THSD7B: variants seen among roughly 807,000 people sequenced by gnomAD.
THSD7B encodes the protein thrombospondin type-1 domain-containing protein 7B.
Under a neutral mutation model 213.6 loss-of-function variants are expected in THSD7B, and 138 were observed. That is an observed-to-expected ratio of 0.65 (90% confidence interval 0.56 to 0.74). The LOEUF is 0.74. Ranked by LOEUF, THSD7B falls within the 30% of genes least tolerant of loss-of-function variation. The pLI, the probability that THSD7B is intolerant of heterozygous loss-of-function variation, is 0.00. For missense variants in THSD7B, 1,931 were observed against 1,991.5 expected (o/e 0.97, Z 0.58); for synonymous variants, 742 against 687.0 (o/e 1.08, Z -1.25).
chr2:137,070,048 T>A (rs1023541243), intron 3 of THSD7B, among the ~76,000 whole-genome samples: 2 of 151,842 alleles, frequency 1.3e-5, no homozygotes, highest in African/African-American at 4.8e-5. Flanking sequence ...AACATTAACA[T>A]GTTTCTAAAA....
chr2:136,923,640 A>G (rs497986), intron 2 of THSD7B, among the ~76,000 whole-genome samples: 74,431 of 151,914 alleles, frequency 0.49, 19,243 homozygotes, highest in Non-Finnish European at 0.58. Context: ...TTGTTTTTTA[A>G]AAGTTATTCT....
Position 137,094,962 on chromosome 2 carries a change from C to G in THSD7B, c.1040C>G (p.Pro347Arg). The G allele has an allele frequency of 6.2e-7, 1 of 1,613,836 alleles. No individual in the cohort carries two copies. Among genetic ancestry groups the G allele is most frequent in the Non-Finnish European group, 8.5e-7 (1 of 1,179,852 alleles). The change falls in exon 4 of 28, where the codon CCC becomes CGC. Residue 347 changes from proline to arginine, a missense_variant. Transcript: ENST00000409968. ...CETSQWSSWS[P>R]CSKTCRSGSL... Reference sequence around the variant, plus strand: ...ACCTCCCAGTGGTCCTCCTGGAGCCCCTGCTCCAAGACATGCCGTTCAGGG... The same window carrying G: ...ACCTCCCAGTGGTCCTCCTGGAGCCGCTGCTCCAAGACATGCCGTTCAGGG...
intron 1 of THSD7B, among the ~76,000 whole-genome samples, chr2:136,854,029 G>C (rs1217740789): frequency 9.9e-5 from 15 of 152,006 alleles, no homozygotes; most frequent in Admixed American, 9.8e-4. Flanking sequence ...GATGCTCTAG[G>C]CTCATCTTAT....
intron 20 of THSD7B, among the ~76,000 whole-genome samples, chr2:137,630,195 T>C (rs1682715008): frequency 6.6e-6 from 1 of 152,116 alleles, no homozygotes; most frequent in Admixed American, 6.6e-5. Context: ...GGTTATGCCA[T>C]GTTACCCAGG....
intron 27 of THSD7B, among the ~76,000 whole-genome samples, chr2:137,675,449 C>T (rs1295196175): frequency 5.4e-5 from 6 of 111,908 alleles, no homozygotes; most frequent in African/African-American, 1.2e-4. Flanking sequence ...TATATATATG[C>T]GGACAGTGTG....
intron 2 of THSD7B, among the ~76,000 whole-genome samples, chr2:136,901,958 A>C (rs1458842121): frequency 6.6e-6 from 1 of 152,246 alleles, no homozygotes; most frequent in Non-Finnish European, 1.5e-5. Flanking sequence ...CCTAAGGCCC[A>C]AAATCAGATT....
At chr2:136,819,592 A>G (rs910081390) in intron 1 of THSD7B, among the ~76,000 whole-genome samples, 3 of 152,178 alleles carry the variant, frequency 2.0e-5, no homozygotes, top group Admixed American at 2.0e-4. Context: ...AATGAGTACC[A>G]TGAAACATGG....
rs1450542231 is a variant in THSD7B, at chr2:136,781,684, T to C, written c.-36+15997T>C. ...TGGCATAGGCTCTCCATGCAGCCCA[T>C]GTCTACCACTTCAGCTCTCTGGCCT... On this transcript the variant is annotated intron_variant, in intron 1 of 27. Transcript: ENST00000409968. 3.9e-5 allele frequency among the ~76,000 whole-genome samples: 6 copies of C among 152,112 alleles called. 1 individual carries two copies. In the East Asian group the frequency reaches 1.2e-3, roughly 29 times the overall value.
rs143807631 is a variant in THSD7B, at chr2:137,118,926, G to A, written c.1369+3633G>A. Among the ~76,000 whole-genome samples, 1,012 of 152,246 alleles carry A rather than the reference G, an allele frequency of 6.6e-3. 7 individuals are homozygous for A. Among genetic ancestry groups the A allele is most frequent in the Middle Eastern group, 0.034 (10 of 292 alleles). ...AAGAAAGAATGAGAGCCAAGCAAAA[G>A]GAGTGTCCCCTTATAAAACCATCAG... is the stretch of plus-strand genomic sequence containing the variant. On this transcript the variant is annotated intron_variant, in intron 5 of 27. Coordinates refer to ENST00000409968, the MANE Select transcript of THSD7B (RefSeq NM_001316349.2).
intron 2 of THSD7B, among the ~76,000 whole-genome samples, chr2:136,931,742 A>G (rs1364440546): frequency 6.6e-6 from 1 of 152,204 alleles, no homozygotes; most frequent in Non-Finnish European, 1.5e-5. Context: ...TACATTCTAC[A>G]TTAACAATGA....
At chr2:136,936,484 T>C (rs57085791) in intron 2 of THSD7B, among the ~76,000 whole-genome samples, 11,283 of 152,244 alleles carry the variant, frequency 0.074, 676 homozygotes, top group African/African-American at 0.16. Context: ...GGAATACTAC[T>C]CAGCCATAAA....
chr2:137,252,190 C>T lies in THSD7B; in HGVS notation c.2266+9618C>T, dbSNP rs373881967. The stretch of plus-strand genomic sequence containing the variant: ...GCTGAGTCAGGAGAATCGCTTGAAC[C>T]CGGGAGGCAGAGGTTGCAGTGAGCT... On this transcript the variant is annotated intron_variant, in intron 10 of 27. Transcript: ENST00000409968. Among the ~76,000 whole-genome samples the T allele has an allele frequency of 6.2e-5, 9 of 145,132 alleles. No individual in the cohort carries two copies. The East Asian group carries it at 1.5e-3, about 24-fold the overall frequency.
chr2:136,991,015 C>A, intron 2 of THSD7B: 1 of 1,151,390 alleles, frequency 8.7e-7, no homozygotes, highest in Non-Finnish European at 1.2e-6. Flanking sequence ...AATACCTGTC[C>A]TCCCCAAAAA....
At chr2:137,675,900 G>T (rs1297012815) in intron 27 of THSD7B, among the ~76,000 whole-genome samples, 4 of 152,102 alleles carry the variant, frequency 2.6e-5, no homozygotes, top group African/African-American at 9.7e-5. Flanking sequence ...AGGGTGTTTT[G>T]CCCCATATCT....
rs144315824 is a variant in THSD7B at position 136,784,361 on chromosome 2, A to G, written c.-36+18674A>G. ...TTTTATTTGGTTCATTCCTTCTATC[A>G]TTTAGAACAACAATGCTCTCTGATA... On this transcript the variant is annotated intron_variant, in intron 1 of 27. Transcript: ENST00000409968. Among the ~76,000 whole-genome samples, 219 of 152,238 alleles carry G rather than the reference A, an allele frequency of 1.4e-3. 1 individual carries two copies. The highest frequency in any genetic ancestry group is 5.0e-3 in the African/African-American group (209 of 41,554).
At chr2:137,649,623 GT>G (rs774820572) in intron 21 of THSD7B, among the ~76,000 whole-genome samples, 8 of 152,128 alleles carry the variant, frequency 5.3e-5, no homozygotes, top group Non-Finnish European at 1.2e-4. Flanking sequence ...TAAATCTGGG[GT>G]TTTTATCATG....
intron 12 of THSD7B, among the ~76,000 whole-genome samples, chr2:137,284,885 G>A (rs1053186102): frequency 3.3e-5 from 5 of 152,096 alleles, no homozygotes; most frequent in African/African-American, 1.2e-4. Context: ...TGTTGATTTG[G>A]GGTGGAGAGT....
At chr2:137,656,072 T>C (rs550459378) in intron 22 of THSD7B, among the ~76,000 whole-genome samples, 1 of 152,318 alleles carries the variant, frequency 6.6e-6, no homozygotes, top group Admixed American at 6.5e-5. Context: ...AGTAAGGCTA[T>C]GAGTTCATGA....
In THSD7B at chr2:137,377,622, A is replaced by G. The variant is rs1015979488; in HGVS notation, c.2501-27991A>G. 5.3e-5 allele frequency among the ~76,000 whole-genome samples: 8 copies of G among 151,274 alleles called. No homozygotes were observed. The East Asian group carries it at 1.5e-3, about 29-fold the overall frequency. ...TTTTTTTTGCAGCAGCTTTGTTGAG[A>G]TAAAATTCACTTTTTTTTTTTTGAG... On this transcript the variant is annotated intron_variant, in intron 12 of 27. Transcript: ENST00000409968.
Sources: allele counts gnomAD v4.1 joint callset (sites outside exome capture counted in the v4.1 genomes callset), GRCh38; gene constraint gnomAD v4.1.1; transcripts MANE v1.5; gene names NCBI Gene and HGNC (gene_info 2026-07-23, HGNC 2026-07-21).